SRC: variants seen among roughly 807,000 people sequenced by gnomAD.
The protein encoded by SRC is proto-oncogene tyrosine-protein kinase Src.
SRC carries 13 observed loss-of-function variants against 62.9 expected under a neutral mutation model. The ratio of observed to expected loss-of-function variants is 0.21; its 90% confidence interval spans 0.13 to 0.33. The LOEUF (loss-of-function observed/expected upper bound fraction) is 0.33, where lower values mean the gene tolerates loss of function less well. Ranked by LOEUF, SRC falls within the 10% of genes least tolerant of loss-of-function variation. The probability of loss-of-function intolerance (pLI) is 1.00; values close to 1 mark genes in which losing one functional copy is unlikely to be tolerated. For synonymous variants in SRC, 302 were observed against 317.5 expected, an observed-to-expected ratio of 0.95 and a Z score of 0.52; for missense variants, 457 against 737.3, an observed-to-expected ratio of 0.62 and a Z score of 4.40.
At chr20:37,392,479 G>C (rs6018246) in intron 5 of SRC, among the ~76,000 whole-genome samples, 1,859 of 152,218 alleles carry the variant, frequency 0.012, 43 homozygotes, top group African/African-American at 0.042. Flanking sequence ...TTCTCTCTCT[G>C]GGCCCTGGCG....
chr20:37,399,551 T>C (rs1568644899), intron 9 of SRC, among the ~76,000 whole-genome samples: 1 of 151,462 alleles, frequency 6.6e-6, no homozygotes, highest in Non-Finnish European at 1.5e-5. Context: ...TTTAGGACTT[T>C]TTTTTTTTTT....
intron 2 of SRC, among the ~76,000 whole-genome samples, chr20:37,378,160 TC>T (rs919489548): frequency 2.7e-5 from 4 of 148,500 alleles, no homozygotes; most frequent in African/African-American, 1.0e-4. Flanking sequence ...TTCTTTCTTC[TC>T]TTTTTTTTTT....
intron 2 of SRC, among the ~76,000 whole-genome samples, chr20:37,368,243 C>T (rs1033014072): frequency 6.6e-6 from 1 of 152,032 alleles, no homozygotes; most frequent in Non-Finnish European, 1.5e-5. Flanking sequence ...CATGGTGAAA[C>T]CCCGTCTCTA....
intron 1 of SRC, among the ~76,000 whole-genome samples, chr20:37,356,879 T>C (rs919078874): frequency 6.6e-6 from 1 of 152,176 alleles, no homozygotes; most frequent in Admixed American, 6.5e-5. Context: ...CAGGCTTTGT[T>C]ACCTGCTGGC....
chr20:37,364,670 C>A (rs1207495793), intron 1 of SRC, among the ~76,000 whole-genome samples: 2 of 152,152 alleles, frequency 1.3e-5, no homozygotes, highest in African/African-American at 4.8e-5. Context: ...GCACGTGGAC[C>A]TGGCCCCTCG....
At chr20:37,366,016 C>A (rs530877025) in intron 2 of SRC, among the ~76,000 whole-genome samples, 1 of 152,002 alleles carries the variant, frequency 6.6e-6, no homozygotes, top group Admixed American at 6.6e-5. Flanking sequence ...TTCATGGTTG[C>A]GTAGTATTCC....
chr20:37,399,467 C>A (rs987870654), intron 9 of SRC, among the ~76,000 whole-genome samples: 2 of 152,118 alleles, frequency 1.3e-5, no homozygotes. Context: ...TCAGAGGGAA[C>A]ATGACTAACC....
At chr20:37,362,222 T>G (rs1252183321) in intron 1 of SRC, among the ~76,000 whole-genome samples, 1 of 151,810 alleles carries the variant, frequency 6.6e-6, no homozygotes, top group Non-Finnish European at 1.5e-5. Flanking sequence ...CGGTTACATT[T>G]TTTTTCTATT....
chr20:37,377,611 A>G (rs557589762), intron 2 of SRC, among the ~76,000 whole-genome samples: 1 of 152,336 alleles, frequency 6.6e-6, no homozygotes, highest in Non-Finnish European at 1.5e-5. Context: ...CATGGGACAC[A>G]CCATGGGAGA....
upstream of SRC, among the ~76,000 whole-genome samples, chr20:37,345,778 G>A (rs1351180495): frequency 6.8e-6 from 1 of 146,190 alleles, no homozygotes; most frequent in Non-Finnish European, 1.5e-5. Context: ...TACCAATCGT[G>A]ATTTCGGGAG....
rs1601013612 is a variant in SRC, at chr20:37,396,013, G to A, written c.554-149G>A. 1.3e-5 allele frequency: 14 copies of A among 1,116,608 alleles called. No individual in the cohort carries two copies. The highest frequency in any genetic ancestry group is 1.6e-5 in the South Asian group (1 of 63,808). The allele number at this position is 1,116,608 out of a possible 1,614,324, so 69.2% of individuals were successfully genotyped here. On this transcript the variant is annotated intron_variant, in intron 7 of 13. Coordinates refer to ENST00000373578, the MANE Select transcript of SRC (RefSeq NM_198291.3). The surrounding 1 kb of genome is among the most constrained non-coding windows in gnomAD (Gnocchi z 6.1). Reference sequence around the variant, plus strand: ...TTGGCCCTGCCTCTGTGGCTGCCCCGGGGCTGGCTGTTGAGAGACAGGGTG... The same window carrying A: ...TTGGCCCTGCCTCTGTGGCTGCCCCAGGGCTGGCTGTTGAGAGACAGGGTG...
chr20:37,388,359 G>A (rs1422307277), intron 5 of SRC, among the ~76,000 whole-genome samples: 29 of 152,318 alleles, frequency 1.9e-4, no homozygotes, highest in Admixed American at 1.8e-3. Flanking sequence ...TCTCATTCAG[G>A]GAAGACCCTG....
In SRC at chr20:37,384,433, C is replaced by A. The variant is rs1272811430; in HGVS notation, c.250+30C>A. ...GTGCGCGGGCGGCGCGGGGTCCTCG[C>A]CCACCTGGGGCCACGGCGGGGAGGC... is the stretch of plus-strand genomic sequence containing the variant. On this transcript the variant is annotated intron_variant, in intron 4 of 13. Coordinates refer to ENST00000373578, the MANE Select transcript of SRC (RefSeq NM_198291.3). This position sits in a 1 kb window ranked among gnomAD's most constrained non-coding sequence, Gnocchi z 6.7. The A allele has an allele frequency of 1.5e-6, 2 of 1,320,726 alleles. No homozygotes were observed. Among genetic ancestry groups the A allele is most frequent in the East Asian group, 3.2e-5 (1 of 31,096 alleles). 81.8% of individuals were successfully genotyped at this position (1,320,726 alleles called of 1,614,324 possible).
Position 37,394,246 on chromosome 20 carries a change from C to G in SRC, c.522C>G (p.Thr174=). 6.2e-7 allele frequency: 1 copy of G among 1,614,058 alleles called. No homozygotes were observed. Among genetic ancestry groups the G allele is most frequent in the South Asian group, 1.1e-5 (1 of 91,076 alleles). Reference sequence around the variant, plus strand: ...TCAATGCAGAGAACCCGAGAGGGACCTTCCTCGTGCGAGAAAGTGAGACCA... The same window carrying G: ...TCAATGCAGAGAACCCGAGAGGGACGTTCCTCGTGCGAGAAAGTGAGACCA... The part of the protein sequence containing the change: ...LLLNAENPRG[T]FLVRESETTK... The change falls in exon 7 of 14, where the codon ACC becomes ACG. Residue 174 remains threonine, a synonymous_variant. Transcript: ENST00000373578.
upstream of SRC, among the ~76,000 whole-genome samples, chr20:37,345,616 T>G (rs2069704862): frequency 6.6e-6 from 1 of 152,232 alleles, no homozygotes; most frequent in Admixed American, 6.5e-5. Context: ...AAGGCCTGGT[T>G]CTTGTCAGTG....
In SRC at chr20:37,397,125, G is replaced by A. The variant is rs1192487496; in HGVS notation, c.704-574G>A. On this transcript the variant is annotated intron_variant, in intron 8 of 13. Coordinates refer to ENST00000373578, the MANE Select transcript of SRC (RefSeq NM_198291.3). The surrounding 1 kb of genome is among the most constrained non-coding windows in gnomAD (Gnocchi z 4.1). ...TAATCCTAACTGCCTCCCCACCTCC[G>A]CCTGGTGCCACCCTTCCCCACCTGC... Among the ~76,000 whole-genome samples the A allele has an allele frequency of 6.6e-6, 1 of 151,934 alleles. No individual in the cohort carries two copies.
chr20:37,402,267 G>A lies in SRC; in HGVS notation c.1117-168G>A. 1 of 759,360 alleles carries A rather than the reference G, an allele frequency of 1.3e-6. No individual in the cohort carries two copies. Among genetic ancestry groups the A allele is most frequent in the Non-Finnish European group, 2.1e-6 (1 of 480,286 alleles). 47.0% of individuals were successfully genotyped at this position (759,360 alleles called of 1,614,324 possible). ...GTGCTCCCTACTCCCGCAGAGCACTGCTCCTGCTTTCGATGCCAACAGCAT... is the reference window on the plus strand; with the variant it reads ...GTGCTCCCTACTCCCGCAGAGCACTACTCCTGCTTTCGATGCCAACAGCAT... On this transcript the variant is annotated intron_variant, in intron 11 of 13. Transcript: ENST00000373578. The surrounding 1 kb of genome is among the most constrained non-coding windows in gnomAD (Gnocchi z 6.2).
intron 1 of SRC, among the ~76,000 whole-genome samples, chr20:37,364,772 G>A (rs1043047232): frequency 1.3e-5 from 2 of 152,272 alleles, no homozygotes; most frequent in East Asian, 1.9e-4. Context: ...CATCTGGGGC[G>A]CAGTAGGTGC....
At chr20:37,373,279 CACACAT>C (rs1353447595) in intron 2 of SRC, among the ~76,000 whole-genome samples, 31 of 147,642 alleles carry the variant, frequency 2.1e-4, no homozygotes, top group South Asian at 6.4e-4. Flanking sequence ...CACACACACA[CACACAT>C]ATTACATATG....
Sources: gnomAD v4.1 joint callset for allele counts (sites outside exome capture counted in the v4.1 genomes callset) on GRCh38, gnomAD v4.1.1 for gene constraint, Gnocchi (gnomAD v3.1) non-coding constraint, MANE v1.5 for transcripts, NCBI Gene and HGNC (gene_info 2026-07-23, HGNC 2026-07-21) for gene names.